The following SERPINB10 variants were observed in gnomAD, a reference collection of about 807,000 sequenced individuals.
The protein encoded by SERPINB10 is serpin family B member 10.
Under a neutral mutation model 39.1 loss-of-function variants are expected in SERPINB10, and 35 were observed. The ratio of observed to expected loss-of-function variants is 0.90; its 90% CI spans 0.68 to 1.19. SERPINB10 has a LOEUF of 1.19. Ranked by LOEUF, SERPINB10 falls within the 50% of genes most tolerant of loss-of-function variation. The pLI is 0.00. For synonymous variants in SERPINB10, 190 were observed against 158.1 expected, an observed-to-expected ratio of 1.20 and a Z score of -1.52; for missense variants, 546 against 460.5, an observed-to-expected ratio of 1.19 and a Z score of -1.70.
intron 1 of SERPINB10, among the ~76,000 whole-genome samples, chr18:63,913,827 A>T (rs746726859): frequency 6.6e-6 from 1 of 151,896 alleles, no homozygotes; most frequent in Non-Finnish European, 1.5e-5. Flanking sequence ...TTCTCCCTCA[A>T]TGATCTGTCT....
At chr18:63,912,603 CAATAT>C (rs1313151699) in intron 1 of SERPINB10, among the ~76,000 whole-genome samples, 1 of 151,814 alleles carries the variant, frequency 6.6e-6, no homozygotes, top group Non-Finnish European at 1.5e-5. Context: ...TATGTTGAAC[CAATAT>C]AGTACTCCAG....
chr18:63,917,921 C>A (rs140607005), intron 3 of SERPINB10, 44 bp from the exon 4 acceptor site: 22 of 1,583,616 alleles, frequency 1.4e-5, no homozygotes, highest in South Asian at 6.7e-5. Flanking sequence ...ATGTACGTAA[C>A]TCTTGTTCAA....
intron 5 of SERPINB10, among the ~76,000 whole-genome samples, chr18:63,926,315 C>G (rs2050181347): frequency 6.6e-6 from 1 of 151,964 alleles, no homozygotes; most frequent in South Asian, 2.1e-4. Context: ...TCATGGCACT[C>G]TCCTCTCTGT....
chr18:63,934,772 T>A lies in SERPINB10; in HGVS notation c.790-66T>A, dbSNP rs780857601. 10 of 1,514,306 alleles carry A rather than the reference T, an allele frequency of 6.6e-6. No homozygotes were observed. In the East Asian group the frequency reaches 1.8e-4, roughly 27 times the overall value. 93.8% of individuals were successfully genotyped at this position (1,514,306 alleles called of 1,614,324 possible). On this transcript the variant is annotated intron_variant, in intron 7 of 7. Transcript: ENST00000238508. ...CCTATGTAATTCCTAGGGTGCTCTC[T>A]CTACTACTGTTTTTCATTCCACTTT...
chr18:63,921,766 C>T (rs1288270647), intron 5 of SERPINB10, among the ~76,000 whole-genome samples: 1 of 151,856 alleles, frequency 6.6e-6, no homozygotes, highest in Non-Finnish European at 1.5e-5. Context: ...GACTGTGGAG[C>T]CTTGCTTGTC....
At chr18:63,909,538 G>A (rs2050049051) in intron 1 of SERPINB10, among the ~76,000 whole-genome samples, 1 of 151,998 alleles carries the variant, frequency 6.6e-6, no homozygotes, top group South Asian at 2.1e-4. Context: ...TAATGAAGAT[G>A]AGTACAACTA....
In SERPINB10 at chr18:63,915,517, T is replaced by G. The variant is rs17072097; in HGVS notation, c.7T>G (p.Ser3Ala). The part of the protein sequence containing the change: MD[S>A]LATSINQFAL... Reference sequence around the variant, plus strand: ...TTTTTCTTAGGTTTCCTCAATGGACTCTCTAGCAACATCAATCAACCAGTT... The same window carrying G: ...TTTTTCTTAGGTTTCCTCAATGGACGCTCTAGCAACATCAATCAACCAGTT... The change falls in exon 2 of 8, where the codon TCT (serine) becomes GCT (alanine). Residue 3 changes from serine to alanine, a missense_variant. Physicochemically the swap from Ser to Ala is moderately conservative, Grantham distance 99. Transcript: ENST00000238508. 0.2 allele frequency: 327,592 copies of G among 1,598,950 alleles called. 36,256 individuals carry two copies. Among genetic ancestry groups the G allele is most frequent in the African/African-American group, 0.4 (29,518 of 74,218 alleles).
intron 5 of SERPINB10, among the ~76,000 whole-genome samples, chr18:63,926,206 G>T (rs1001224998): frequency 2.0e-5 from 3 of 151,992 alleles, no homozygotes; most frequent in African/African-American, 4.8e-5. Context: ...GACAATCCTT[G>T]GCACTCATTT....
At chr18:63,926,881 T>C (rs780427939) in intron 5 of SERPINB10, among the ~76,000 whole-genome samples, 20 of 152,104 alleles carry the variant, frequency 1.3e-4, no homozygotes, top group Non-Finnish European at 2.5e-4. Context: ...TTTATAAGCA[T>C]AATTATTATA....
At chr18:63,916,032 T>C (rs1015530332) in intron 2 of SERPINB10, among the ~76,000 whole-genome samples, 1 of 152,052 alleles carries the variant, frequency 6.6e-6, no homozygotes, top group African/African-American at 2.4e-5. Flanking sequence ...AGCATCTTTA[T>C]AATCACATAA....
intron 5 of SERPINB10, among the ~76,000 whole-genome samples, chr18:63,927,910 C>T (rs2050192123): frequency 6.6e-6 from 1 of 151,850 alleles, no homozygotes; most frequent in South Asian, 2.1e-4. Flanking sequence ...TAAAAGTAAT[C>T]AGAGAATTTT....
intron 5 of SERPINB10, among the ~76,000 whole-genome samples, chr18:63,927,135 TAAA>T (rs2050187297): frequency 6.6e-6 from 1 of 151,978 alleles, no homozygotes; most frequent in East Asian, 1.9e-4. Context: ...AGAAAAATGT[TAAA>T]TAACGGTAGT....
In SERPINB10 at chr18:63,935,433, A is replaced by G. The variant is rs1599097613; in HGVS notation, c.*191A>G. ...ATCTGTACAGCTGGAGAGAATGACG[A>G]TTTTTATTTTTAACACGTTAACATT... On this transcript the variant is annotated 3_prime_UTR_variant, in exon 8 of 8. Coordinates refer to ENST00000238508, the MANE Select transcript of SERPINB10 (RefSeq NM_005024.3). 1.9e-6 allele frequency: 1 copy of G among 526,698 alleles called. No homozygotes were observed. The highest frequency in any genetic ancestry group is 3.2e-6 in the Non-Finnish European group (1 of 313,202). The allele number at this position is 526,698 out of a possible 1,614,324, so 32.6% of individuals were successfully genotyped here.
At chr18:63,915,994 G>T (rs190674708) in intron 2 of SERPINB10, among the ~76,000 whole-genome samples, 1 of 152,042 alleles carries the variant, frequency 6.6e-6, no homozygotes, top group East Asian at 1.9e-4. Context: ...AAAAGTAATT[G>T]GTCAAACTTT....
At chr18:63,925,178 G>A (rs1419004191) in intron 5 of SERPINB10, among the ~76,000 whole-genome samples, 1 of 152,016 alleles carries the variant, frequency 6.6e-6, no homozygotes, top group Admixed American at 6.6e-5. Context: ...TAGATTGGAA[G>A]TGAAAGTATC....
rs889016061 is a variant in SERPINB10 at position 63,932,404 on chromosome 18, G to A, written c.634-644G>A. Among the ~76,000 whole-genome samples the A allele has an allele frequency of 2.1e-4, 32 of 152,168 alleles. 1 individual carries two copies. The highest frequency in any genetic ancestry group is 6.3e-4 in the African/African-American group (26 of 41,504). On this transcript the variant is annotated intron_variant, in intron 6 of 7. Coordinates refer to ENST00000238508, the MANE Select transcript of SERPINB10 (RefSeq NM_005024.3). Reference sequence around the variant, plus strand: ...ATGACAGTGCCTGTTGCTTCATATCGTCATCAGCATTTGGTGTTTCATATT... The same window carrying A: ...ATGACAGTGCCTGTTGCTTCATATCATCATCAGCATTTGGTGTTTCATATT...
chr18:63,920,206 T>C (rs2050136865), intron 5 of SERPINB10, among the ~76,000 whole-genome samples: 1 of 151,898 alleles, frequency 6.6e-6, no homozygotes, highest in South Asian at 2.1e-4. Flanking sequence ...AAAAAGGAAA[T>C]TGAAAATACT....
At chr18:63,923,344 G>A (rs894096635) in intron 5 of SERPINB10, among the ~76,000 whole-genome samples, 2 of 151,942 alleles carry the variant, frequency 1.3e-5, no homozygotes, top group Non-Finnish European at 1.5e-5. Flanking sequence ...ACTTTGTCGA[G>A]GCAGAGTTCC....
chr18:63,915,422 A>C, intron 1 of SERPINB10, 80 bp from the exon 2 acceptor site: 1 of 1,014,492 alleles, frequency 9.9e-7, no homozygotes, highest in Non-Finnish European at 1.5e-6. Context: ...TATGTATGCA[A>C]CTATGAATAC....
Sources: allele counts gnomAD v4.1 joint callset (sites outside exome capture counted in the v4.1 genomes callset), GRCh38; gene constraint gnomAD v4.1.1; transcripts MANE v1.5; gene names NCBI Gene and HGNC (gene_info 2026-07-23, HGNC 2026-07-21).